TP53AIP1: variants seen among roughly 807,000 people sequenced by gnomAD.
The protein encoded by TP53AIP1 is p53-regulated apoptosis-inducing protein 1.
In TP53AIP1, 14 loss-of-function variants were observed where a neutral mutation model predicts 9.5. That is an observed-to-expected ratio of 1.47 (90% CI 0.97 to 2.30). The LOEUF (loss-of-function observed/expected upper bound fraction) is 2.30. Ranked by LOEUF, TP53AIP1 falls within the 30% of genes most tolerant of loss-of-function variation. TP53AIP1 has a pLI of 0.00. For synonymous variants in TP53AIP1, 73 were observed against 61.2 expected (o/e 1.19, Z -0.90); for missense variants, 153 against 146.7 (o/e 1.04, Z -0.22).
chr11:128,936,991 T>G, intron 2 of TP53AIP1: 1 of 1,088,908 alleles, frequency 9.2e-7, no homozygotes, highest in Non-Finnish European at 1.1e-6. Flanking sequence ...ACGCTGCGTG[T>G]GAGCTTCTGG....
At position 128,936,520 on chromosome 11, in the gene TP53AIP1, TA is replaced by T. The variant is rs1242412179; in HGVS notation, c.253+17del. The T allele has an allele frequency of 1.3e-6, 2 of 1,545,602 alleles. No individual in the cohort carries two copies. Among genetic ancestry groups the T allele is most frequent in the Non-Finnish European group, 1.7e-6 (2 of 1,153,680 alleles). On this transcript the variant is annotated intron_variant, in intron 3 of 3. Transcript: ENST00000531399. ...TCACGGCCCACACCCATGAATTCAC[TA>T]AGTAATTATCACACACCTGTCAGGA...
chr11:128,936,987 C>A (rs955107781), intron 2 of TP53AIP1: 12 of 1,091,050 alleles, frequency 1.1e-5, no homozygotes, highest in Non-Finnish European at 1.3e-5. Flanking sequence ...TCAGACGCTG[C>A]GTGTGAGCTT....
chr11:128,936,335 T>C, intron 3 of TP53AIP1: 2 of 1,374,390 alleles, frequency 1.5e-6, no homozygotes, highest in Non-Finnish European at 1.9e-6. Context: ...CGTTACCTTT[T>C]ATTTTAATTT....
intron 3 of TP53AIP1, chr11:128,935,964 A>T: frequency 1.7e-6 from 2 of 1,164,608 alleles, no homozygotes; most frequent in Non-Finnish European, 2.2e-6. Context: ...TGATAACAGT[A>T]AGATATGTAG....
chr11:128,940,544 T>G (rs967953736), intron 1 of TP53AIP1, among the ~76,000 whole-genome samples: 1 of 152,152 alleles, frequency 6.6e-6, no homozygotes, highest in African/African-American at 2.4e-5. Flanking sequence ...GCAGCCTTTG[T>G]CCCTTCTGGA....
intron 1 of TP53AIP1, among the ~76,000 whole-genome samples, chr11:128,940,460 G>T (rs1315985046): frequency 6.6e-6 from 1 of 152,226 alleles, no homozygotes; most frequent in Non-Finnish European, 1.5e-5. Context: ...ATGGAATCAG[G>T]TGTCCTGATG....
chr11:128,938,054 G>A (rs1005079349), intron 1 of TP53AIP1, among the ~76,000 whole-genome samples, 160 bp from the exon 2 acceptor site: 6 of 152,190 alleles, frequency 3.9e-5, no homozygotes, highest in African/African-American at 1.4e-4. Context: ...ACACACCTGA[G>A]GAGATGCTTT....
intron 1 of TP53AIP1, among the ~76,000 whole-genome samples, chr11:128,938,383 C>G (rs1019837740): frequency 6.6e-6 from 1 of 152,148 alleles, no homozygotes; most frequent in Non-Finnish European, 1.5e-5. Context: ...TGGAGTCAGA[C>G]GGATCAGAGC....
At position 128,939,114 on chromosome 11, in the gene TP53AIP1, T is replaced by C. The variant is rs1944893438; in HGVS notation, c.-76-1220A>G. Among the ~76,000 whole-genome samples the C allele has an allele frequency of 6.6e-6, 1 of 152,304 alleles. No individual in the cohort carries two copies. The highest frequency in any genetic ancestry group is 1.9e-4 in the East Asian group (1 of 5,180). ...AAGCACTAACCAAACTCAGAAGGCATTTACCCAATGCTGCACGTTACGAAA... is the reference window on the plus strand; with the variant it reads ...AAGCACTAACCAAACTCAGAAGGCACTTACCCAATGCTGCACGTTACGAAA... On this transcript the variant is annotated intron_variant, in intron 1 of 3. Transcript: ENST00000531399. The surrounding 1 kb of genome is among the most constrained non-coding windows in gnomAD (Gnocchi z 4.1).
intron 1 of TP53AIP1, among the ~76,000 whole-genome samples, chr11:128,938,758 C>T (rs1368444354): frequency 6.6e-6 from 1 of 152,316 alleles, no homozygotes. Flanking sequence ...GGGCAGCTCA[C>T]AGCAGCGCCA....
At position 128,937,568 on chromosome 11, in the gene TP53AIP1, G is replaced by T. The variant is rs944134022; in HGVS notation, c.141+110C>A. The T allele has an allele frequency of 1.9e-6, 3 of 1,614,144 alleles. No homozygotes were observed. The highest frequency in any genetic ancestry group is 8.5e-7 in the Non-Finnish European group (1 of 1,180,016). ...CTCTGAGGACCCAGATGCTGTCACT[G>T]GGTCCTGGTGAGTCTGAAAACTTGG... is the stretch of plus-strand genomic sequence containing the variant. On this transcript the variant is annotated intron_variant, in intron 2 of 3. Transcript: ENST00000531399. This position sits in a 1 kb window ranked among gnomAD's most constrained non-coding sequence, Gnocchi z 4.8.
At position 128,939,910 on chromosome 11, in the gene TP53AIP1, T is replaced by C. The variant is rs950311046; in HGVS notation, c.-76-2016A>G. ...AGTGAAGCGTTAACACGAAGGAGGGTCCCAGCGGAGTTCATGCCGGGACTC... is the reference window on the plus strand; with the variant it reads ...AGTGAAGCGTTAACACGAAGGAGGGCCCCAGCGGAGTTCATGCCGGGACTC... On this transcript the variant is annotated intron_variant, in intron 1 of 3. Coordinates refer to ENST00000531399, the MANE Select transcript of TP53AIP1 (RefSeq NM_022112.3). This position sits in a 1 kb window ranked among gnomAD's most constrained non-coding sequence, Gnocchi z 4.1. Among the ~76,000 whole-genome samples, 1 of 151,978 alleles carries C rather than the reference T, an allele frequency of 6.6e-6. No individual in the cohort carries two copies. The highest frequency in any genetic ancestry group is 1.9e-4 in the East Asian group (1 of 5,182).
At chr11:128,938,003 G>C in intron 1 of TP53AIP1, 109 bp from the exon 2 acceptor site, 1 of 680,990 alleles carries the variant, frequency 1.5e-6, no homozygotes, top group East Asian at 2.8e-5. Context: ...CTGGGAGGGG[G>C]AAGCCGATGC....
chr11:128,941,565 G>A (rs1363683632), intron 1 of TP53AIP1, among the ~76,000 whole-genome samples: 1 of 152,212 alleles, frequency 6.6e-6, no homozygotes, highest in East Asian at 1.9e-4. Context: ...CTTGCCAGCT[G>A]GCATGATGTT....
chr11:128,937,919 G>T lies in TP53AIP1; in HGVS notation c.-76-25C>A. On this transcript the variant is annotated intron_variant, in intron 1 of 3. Coordinates refer to ENST00000531399, the MANE Select transcript of TP53AIP1 (RefSeq NM_022112.3). This position sits in a 1 kb window ranked among gnomAD's most constrained non-coding sequence, Gnocchi z 4.8. ...ACTAAAAACAAACAAAACAGGCTATGAACAGAAGCAGTGGTGGCAGCGCTG... is the reference window on the plus strand; with the variant it reads ...ACTAAAAACAAACAAAACAGGCTATTAACAGAAGCAGTGGTGGCAGCGCTG... 13 of 1,284,470 alleles carry T rather than the reference G, an allele frequency of 1.0e-5. No homozygotes were observed. The highest frequency in any genetic ancestry group is 1.5e-5 in the South Asian group (1 of 65,142). The allele number at this position is 1,284,470 out of a possible 1,614,324, so 79.6% of individuals were successfully genotyped here.
rs757039785 is a variant in TP53AIP1 at position 128,937,570 on chromosome 11, G to A, written c.141+108C>T. 4.3e-6 allele frequency: 7 copies of A among 1,614,044 alleles called. No individual in the cohort carries two copies. Among genetic ancestry groups the A allele is most frequent in the Non-Finnish European group, 5.9e-6 (7 of 1,180,044 alleles). On this transcript the variant is annotated intron_variant, in intron 2 of 3. Coordinates refer to ENST00000531399, the MANE Select transcript of TP53AIP1 (RefSeq NM_022112.3). This position sits in a 1 kb window ranked among gnomAD's most constrained non-coding sequence, Gnocchi z 4.8. ...CTGAGGACCCAGATGCTGTCACTGG[G>A]TCCTGGTGAGTCTGAAAACTTGGGA...
At chr11:128,935,905 A>C in intron 3 of TP53AIP1, 193 bp from the exon 4 acceptor site, 1 of 1,313,572 alleles carries the variant, frequency 7.6e-7, no homozygotes, top group Non-Finnish European at 9.7e-7. Context: ...TTTCATAGAT[A>C]TCAAATGGGC....
chr11:128,937,893 G>C lies in TP53AIP1; in HGVS notation c.-75C>G. 6.8e-7 allele frequency: 1 copy of C among 1,466,094 alleles called. No individual in the cohort carries two copies. Among genetic ancestry groups the C allele is most frequent in the Non-Finnish European group, 9.1e-7 (1 of 1,095,324 alleles). The allele number at this position is 1,466,094 out of a possible 1,614,324, so 90.8% of individuals were successfully genotyped here. A position where few individuals can be genotyped will look rare whatever the true frequency, so the allele number is the denominator to read the frequency against. ...TTGTTGTTAGGGCCAGTCCCTAAGG[G>C]ACTAAAAACAAACAAAACAGGCTAT... On this transcript the variant is annotated splice_region_variant and 5_prime_UTR_variant, in exon 2 of 4. Coordinates refer to ENST00000531399, the MANE Select transcript of TP53AIP1 (RefSeq NM_022112.3). This position sits in a 1 kb window ranked among gnomAD's most constrained non-coding sequence, Gnocchi z 4.8.
chr11:128,936,229 T>C (rs372620974), intron 3 of TP53AIP1: 24 of 1,106,010 alleles, frequency 2.2e-5, no homozygotes, highest in Non-Finnish European at 2.5e-5. Flanking sequence ...GACTGCTCAT[T>C]CCAAATCTGT....
Sources: gnomAD v4.1 joint callset for allele counts (sites outside exome capture counted in the v4.1 genomes callset) on GRCh38, gnomAD v4.1.1 for gene constraint, Gnocchi (gnomAD v3.1) non-coding constraint, MANE v1.5 for transcripts, NCBI Gene and HGNC (gene_info 2026-07-23, HGNC 2026-07-21) for gene names.